ZNF737: variants seen among roughly 807,000 people sequenced by gnomAD.
ZNF737 encodes the protein zinc finger protein 102 (Y3).
Under a neutral mutation model 11.7 loss-of-function variants are expected in ZNF737, and 13 were observed. That is an observed-to-expected ratio of 1.11 (90% CI 0.73 to 1.77). ZNF737 has a LOEUF of 1.77. ZNF737 is among the 40% of genes most tolerant of loss of function. The pLI is 0.00. For missense variants in ZNF737, 636 were observed against 638.0 expected, an observed-to-expected ratio of 1.00 and a Z score of 0.03; for synonymous variants, 217 against 216.2, an observed-to-expected ratio of 1.00 and a Z score of -0.03.
In ZNF737 at chr19:20,544,978, A is replaced by T; in HGVS notation, c.1225T>A (p.Ser409Thr). The change falls in exon 4 of 4, where the codon TCC becomes ACC. Residue 409 changes from serine to threonine, a missense_variant. Physicochemically the swap from Ser to Thr is moderately conservative, Grantham distance 58. Coordinates refer to ENST00000427401, the MANE Select transcript of ZNF737 (RefSeq NM_001159293.2). ...ATCTTATGTGTAGTAAGGGAAGAGG[A>T]GTACTTAAAGGCTTCGCCACATTCT... ...CEECGEAFKY[S>T]SSLTTHKIIH... is the part of the protein sequence containing the mutation. The T allele has an allele frequency of 6.2e-7, 1 of 1,612,138 alleles. No homozygotes were observed. Among genetic ancestry groups the T allele is most frequent in the Non-Finnish European group, 8.5e-7 (1 of 1,179,638 alleles).
chr19:20,552,629 T>A, intron 2 of ZNF737, 59 bp from the exon 3 acceptor site: 2 of 1,208,322 alleles, frequency 1.7e-6, no homozygotes, highest in East Asian at 2.6e-5. Context: ...TACAAGCTAG[T>A]AATGTGCTCG....
At chr19:20,557,908 C>T (rs1301188574) in intron 1 of ZNF737, among the ~76,000 whole-genome samples, 1 of 151,990 alleles carries the variant, frequency 6.6e-6, no homozygotes, top group East Asian at 1.9e-4. Flanking sequence ...AGCAACCATG[C>T]CCAGCTTTTC....
In ZNF737 at chr19:20,544,561, A is replaced by C. The variant is rs1197381435; in HGVS notation, c.*31T>G. The C allele has an allele frequency of 1.9e-6, 3 of 1,565,078 alleles. No homozygotes were observed. Among genetic ancestry groups the C allele is most frequent in the Non-Finnish European group, 1.7e-6 (2 of 1,160,054 alleles). On this transcript the variant is annotated 3_prime_UTR_variant, in exon 4 of 4. Coordinates refer to ENST00000427401, the MANE Select transcript of ZNF737 (RefSeq NM_001159293.2). ...TCTTATGTGAAAAAAGCATAGTGGG[A>C]TAGCTTAAAGCTTTGCCACATTCCT...
At chr19:20,563,014 T>C (rs1599440182) in intron 1 of ZNF737, among the ~76,000 whole-genome samples, 1 of 151,278 alleles carries the variant, frequency 6.6e-6, no homozygotes, top group Non-Finnish European at 1.5e-5. Context: ...CTTACATCTT[T>C]GCAAGCCATA....
intron 1 of ZNF737, among the ~76,000 whole-genome samples, chr19:20,558,244 A>C (rs8107591): frequency 0.76 from 115,124 of 151,060 alleles, 43,957 homozygotes; most frequent in East Asian, 0.82. Flanking sequence ...AAGATCACAC[A>C]ACTGCACTCC....
chr19:20,532,614 T>TG (rs1967857589), downstream of ZNF737, among the ~76,000 whole-genome samples: 1 of 149,224 alleles, frequency 6.7e-6, no homozygotes, highest in Admixed American at 6.7e-5. Flanking sequence ...TATTACATTT[T>TG]TTCATAAATG....
Position 20,545,676 on chromosome 19 carries a change from A to G in ZNF737, c.527T>C (p.Ile176Thr), listed in dbSNP as rs1445126710. The change falls in exon 4 of 4, where the codon ATA becomes ACA. Residue 176 changes from isoleucine (I) to threonine (T), a missense_variant. Ile to Thr is a moderately conservative substitution (Grantham distance 89, BLOSUM62 -1). Transcript: ENST00000427401. ...CTGGTTAAAAGCTTTGCCACATTCTATACATTTGAAAGGTTTTTTTCCAGT... is the reference window on the plus strand; with the variant it reads ...CTGGTTAAAAGCTTTGCCACATTCTGTACATTTGAAAGGTTTTTTTCCAGT... ...RHTGKKPFKCIECGKAFNQSS... is the reference protein window; with the variant it reads ...RHTGKKPFKCTECGKAFNQSS... 9.9e-6 allele frequency: 16 copies of G among 1,613,676 alleles called. No individual in the cohort carries two copies. Among genetic ancestry groups the G allele is most frequent in the Non-Finnish European group, 1.4e-5 (16 of 1,179,784 alleles).
At chr19:20,548,914 T>A (rs1475189853) in intron 3 of ZNF737, among the ~76,000 whole-genome samples, 3 of 129,480 alleles carry the variant, frequency 2.3e-5, no homozygotes, top group African/African-American at 8.7e-5. Context: ...TTTAAGGTGG[T>A]AAATTTTATA....
chr19:20,552,470 C>T lies in ZNF737; in HGVS notation c.226+5G>A. 1 of 1,573,232 alleles carries T rather than the reference C, an allele frequency of 6.4e-7. No homozygotes were observed. The highest frequency in any genetic ancestry group is 8.6e-7 in the Non-Finnish European group (1 of 1,164,944). On this transcript the variant is annotated splice_donor_5th_base_variant and intron_variant, in intron 3 of 3. Transcript: ENST00000427401. Reference sequence around the variant, plus strand: ...TCTGCTATATTCATTTTCACTTGCACCTACCTGAGGGGTTGGCTACCATCT... The same window carrying T: ...TCTGCTATATTCATTTTCACTTGCATCTACCTGAGGGGTTGGCTACCATCT...
At chr19:20,530,432 G>A in the ZNF737 span, among the ~76,000 whole-genome samples, 8 of 149,620 alleles carry the variant, frequency 5.3e-5, 1 homozygote, top group Admixed American at 2.0e-4. Flanking sequence ...CCTCCTGGGC[G>A]GGGTGGCTGC....
At chr19:20,563,948 G>A (rs782713506) in intron 1 of ZNF737, 2 of 152,100 alleles carry the variant, frequency 1.3e-5, no homozygotes, top group African/African-American at 4.8e-5. Flanking sequence ...GGTAGATCAC[G>A]ATGTCAGAAG....
At chr19:20,561,003 C>A (rs557545423) in intron 1 of ZNF737, among the ~76,000 whole-genome samples, 2 of 151,992 alleles carry the variant, frequency 1.3e-5, no homozygotes, top group Non-Finnish European at 2.9e-5. Flanking sequence ...ATAATCTGCA[C>A]GCAAAACCCC....
chr19:20,555,507 G>A (rs913862074), intron 1 of ZNF737, among the ~76,000 whole-genome samples: 4 of 152,076 alleles, frequency 2.6e-5, no homozygotes, highest in Admixed American at 6.6e-5. Context: ...AATCCTGTTC[G>A]GCATACAGCT....
rs149610174 is a variant in ZNF737 at position 20,547,226 on chromosome 19, A to G, written c.227-1250T>C. 1.5e-3 allele frequency among the ~76,000 whole-genome samples: 226 copies of G among 151,958 alleles called. 1 individual carries two copies. The highest frequency in any genetic ancestry group is 4.8e-3 in the African/African-American group (197 of 41,460). ...GAAACCCCATCTCTACTAAAAATAC[A>G]AAAAATTAGCCGGGCATGGTAGCAG... is the stretch of plus-strand genomic sequence containing the variant. On this transcript the variant is annotated intron_variant, in intron 3 of 3. Transcript: ENST00000427401.
Position 20,544,455 on chromosome 19 carries a change from A to C in ZNF737, c.*137T>G, listed in dbSNP as rs902245395. 5.2e-5 allele frequency: 78 copies of C among 1,491,232 alleles called. No homozygotes were observed. In the African/African-American group the frequency reaches 1.0e-3, roughly 19 times the overall value. 92.4% of individuals were successfully genotyped at this position (1,491,232 alleles called of 1,614,324 possible). ...GGTTTCTTTCCCGCATGAATTATCT[A>C]ATGTCTACTAAGGTTTGAGGATGAA... On this transcript the variant is annotated 3_prime_UTR_variant, in exon 4 of 4. Transcript: ENST00000427401.
At position 20,542,814 on chromosome 19, in the gene ZNF737, C is replaced by T; in HGVS notation, c.*1778G>A. On this transcript the variant is annotated 3_prime_UTR_variant, in exon 4 of 4. Coordinates refer to ENST00000427401, the MANE Select transcript of ZNF737 (RefSeq NM_001159293.2). ...AAATCGAATATCTCTGATGCAGAAGCCACTGATCACATGCTTTCTCACATG... is the reference window on the plus strand; with the variant it reads ...AAATCGAATATCTCTGATGCAGAAGTCACTGATCACATGCTTTCTCACATG... 5.1e-6 allele frequency: 5 copies of T among 985,304 alleles called. No individual in the cohort carries two copies. Among genetic ancestry groups the T allele is most frequent in the Non-Finnish European group, 6.0e-6 (5 of 829,874 alleles). The allele number at this position is 985,304 out of a possible 1,614,324, so 61.0% of individuals were successfully genotyped here.
intron 3 of ZNF737, chr19:20,550,985 T>C (rs141990596): frequency 1.3e-5 from 2 of 152,372 alleles, no homozygotes; most frequent in Non-Finnish European, 2.9e-5. Flanking sequence ...GGTCCTGCCA[T>C]TCCAGAGACC....
At chr19:20,549,542 C>T (rs1378282053) in intron 3 of ZNF737, among the ~76,000 whole-genome samples, 1 of 152,012 alleles carries the variant, frequency 6.6e-6, no homozygotes, top group South Asian at 2.1e-4. Context: ...GCAGAAGAAT[C>T]ACTTGAACCT....
the ZNF737 span, among the ~76,000 whole-genome samples, chr19:20,530,803 G>A: frequency 5.5e-4 from 82 of 147,802 alleles, 4 homozygotes; most frequent in Admixed American, 3.9e-3. Flanking sequence ...AGGCAGAGAT[G>A]CTCCTCACTT....
Sources: allele counts gnomAD v4.1 joint callset (sites outside exome capture counted in the v4.1 genomes callset), GRCh38; gene constraint gnomAD v4.1.1; transcripts MANE v1.5; gene names NCBI Gene and HGNC (gene_info 2026-07-23, HGNC 2026-07-21).